Variants in GK5 observed in about 807,000 individuals in gnomAD.
GK5 encodes the protein glycerol kinase 5.
GK5 carries 39 observed loss-of-function variants against 77.3 expected under a neutral mutation model. The observed-to-expected ratio is 0.50, with a 90% CI of 0.39 to 0.66. The LOEUF is 0.66. GK5 is among the 30% of genes least tolerant of loss of function. GK5 has a pLI of 0.00. For synonymous variants in GK5, 211 were observed against 208.0 expected (o/e 1.01, Z -0.13); for missense variants, 487 against 633.8 (o/e 0.77, Z 2.49).
intron 5 of GK5, among the ~76,000 whole-genome samples, chr3:142,198,200 C>T (rs1237401424): frequency 6.6e-6 from 1 of 152,110 alleles, no homozygotes; most frequent in African/African-American, 2.4e-5. Flanking sequence ...TAAAATCATA[C>T]ATTGAACAGC....
At chr3:142,218,649 G>A (rs909177828) in intron 1 of GK5, among the ~76,000 whole-genome samples, 1 of 151,890 alleles carries the variant, frequency 6.6e-6, no homozygotes, top group African/African-American at 2.4e-5. Context: ...AAAATGTTTA[G>A]AAGAAAATGC....
intron 4 of GK5, among the ~76,000 whole-genome samples, chr3:142,201,419 T>C (rs2064019644): frequency 1.3e-5 from 2 of 152,200 alleles, no homozygotes; most frequent in South Asian, 4.1e-4. Context: ...GTATATAACA[T>C]TTTTCAAATT....
At chr3:142,215,947 A>C (rs2064271379) in intron 1 of GK5, among the ~76,000 whole-genome samples, 1 of 152,160 alleles carries the variant, frequency 6.6e-6, no homozygotes, top group African/African-American at 2.4e-5. Context: ...GTTTTCTACA[A>C]GAAGGTGTGT....
At chr3:142,206,169 A>G (rs1462987271) in intron 3 of GK5, among the ~76,000 whole-genome samples, 1 of 152,220 alleles carries the variant, frequency 6.6e-6, no homozygotes, top group African/African-American at 2.4e-5. Flanking sequence ...ATCTGTTGGT[A>G]CACACTTGGG....
At position 142,185,661 on chromosome 3, in the gene GK5, TTTAAG is replaced by T. The variant is rs756284835; in HGVS notation, c.816+263_816+267del. The T allele has an allele frequency of 2.8e-5, 35 of 1,253,634 alleles. No individual in the cohort carries two copies. The African/African-American group carries it at 5.5e-4, about 20-fold the overall frequency. 77.7% of individuals were successfully genotyped at this position (1,253,634 alleles called of 1,614,324 possible). On this transcript the variant is annotated intron_variant, in intron 9 of 15. Transcript: ENST00000392993. ...CAGAATTAAAAAAAATTTTTTTTAA[TTTAAG>T]TTTTCTGATAAACAATATACAAGCA...
At chr3:142,185,254 A>T (rs920390183) in intron 9 of GK5, 22 of 407,630 alleles carry the variant, frequency 5.4e-5, no homozygotes, top group Non-Finnish European at 5.0e-5. Context: ...TCTACCAAAA[A>T]TACAAAAAAT....
chr3:142,200,146 T>G (rs140239832), intron 4 of GK5, among the ~76,000 whole-genome samples: 304 of 151,458 alleles, frequency 2.0e-3, no homozygotes, highest in Middle Eastern at 3.4e-3. Flanking sequence ...CACATACATA[T>G]GGTTTTTGGT....
chr3:142,177,637 A>C, intron 11 of GK5, 61 bp from the exon 12 acceptor site: 1 of 918,616 alleles, frequency 1.1e-6, no homozygotes, highest in Non-Finnish European at 1.8e-6. Context: ...AGAGAGGCAC[A>C]AACAGAATTA....
intron 15 of GK5, 28 bp from the exon 16 acceptor site, chr3:142,165,798 T>G (rs745597630): frequency 4.6e-6 from 7 of 1,525,856 alleles, no homozygotes; most frequent in Non-Finnish European, 6.2e-6. Flanking sequence ...ATCCTCAAAT[T>G]TTAAGGCAAA....
chr3:142,174,134 G>A (rs1427831038), intron 12 of GK5, among the ~76,000 whole-genome samples: 1 of 152,096 alleles, frequency 6.6e-6, no homozygotes, highest in African/African-American at 2.4e-5. Context: ...ACCACAGGGT[G>A]GAACCTTGTC....
At chr3:142,177,705 T>C (rs994528846) in intron 11 of GK5, 129 bp from the exon 12 acceptor site, 1 of 644,016 alleles carries the variant, frequency 1.6e-6, no homozygotes, top group Non-Finnish European at 2.8e-6. Context: ...TGTAAAAGAT[T>C]GCTCACTTAA....
chr3:142,201,585 C>T (rs2064022846), intron 4 of GK5, among the ~76,000 whole-genome samples: 1 of 152,068 alleles, frequency 6.6e-6, no homozygotes, highest in South Asian at 2.1e-4. Context: ...TGCATATGCT[C>T]CTGGATGCAT....
intron 11 of GK5, among the ~76,000 whole-genome samples, chr3:142,180,138 T>A (rs6764361): frequency 1.1e-4 from 17 of 151,962 alleles, no homozygotes; most frequent in African/African-American, 3.9e-4. Context: ...GCTAAGAGTA[T>A]GGGGGGAAAT....
At position 142,217,518 on chromosome 3, in the gene GK5, A is replaced by G. The variant is rs1489553534; in HGVS notation, c.148-1826T>C. Among the ~76,000 whole-genome samples the G allele has an allele frequency of 2.0e-5, 3 of 152,166 alleles. No homozygotes were observed. The East Asian group carries it at 5.8e-4, about 29-fold the overall frequency. ...GGAGGAAAAAGAAGAACAAAGCCCC[A>G]GGACATAGCAAAAGGTCTAATATTT... On this transcript the variant is annotated intron_variant, in intron 1 of 15. Coordinates refer to ENST00000392993, the MANE Select transcript of GK5 (RefSeq NM_001039547.3).
chr3:142,216,708 T>G (rs1021370152), intron 1 of GK5, among the ~76,000 whole-genome samples: 2 of 152,132 alleles, frequency 1.3e-5, no homozygotes, highest in African/African-American at 4.8e-5. Context: ...GAAAGTTGTG[T>G]ATGAACTCTT....
At chr3:142,185,195 C>T in intron 9 of GK5, 1 of 765,458 alleles carries the variant, frequency 1.3e-6, no homozygotes, top group South Asian at 5.9e-5. Context: ...GCAGAAGGCC[C>T]CAGTCTAGGA....
At chr3:142,221,290 T>C (rs994584349) in intron 1 of GK5, among the ~76,000 whole-genome samples, 3 of 152,244 alleles carry the variant, frequency 2.0e-5, no homozygotes, top group Non-Finnish European at 4.4e-5. Flanking sequence ...GCAAGGCTTT[T>C]ATGACTACAG....
chr3:142,223,301 C>T (rs1337103969), intron 1 of GK5, among the ~76,000 whole-genome samples: 4 of 152,154 alleles, frequency 2.6e-5, no homozygotes, highest in African/African-American at 7.2e-5. Context: ...AACAAAAAAA[C>T]AGTGCTTAAA....
chr3:142,177,367 C>A, intron 12 of GK5, 115 bp downstream of exon 12: 1 of 662,834 alleles, frequency 1.5e-6, no homozygotes, highest in Non-Finnish European at 2.7e-6. Flanking sequence ...TACCTTTCAT[C>A]TTAGTTCTGT....
Sources: allele counts gnomAD v4.1 joint callset (sites outside exome capture counted in the v4.1 genomes callset), GRCh38; gene constraint gnomAD v4.1.1; transcripts MANE v1.5; gene names NCBI Gene and HGNC (gene_info 2026-07-23, HGNC 2026-07-21).